The following FBXL5 variants were observed in gnomAD, a reference collection of about 807,000 sequenced individuals.
FBXL5 encodes the protein F-box and leucine rich repeat protein 5, also known as F-box/LRR-repeat protein 5.
A neutral mutation model predicts 78.3 loss-of-function variants in FBXL5; 26 were observed. The ratio of observed to expected loss-of-function variants is 0.33; its 90% CI spans 0.24 to 0.46. The LOEUF is 0.46. Among genes scored for constraint, FBXL5 ranks in the 20% least tolerant of loss-of-function variants. The probability of loss-of-function intolerance (pLI) is 1.00; values close to 1 mark genes in which losing one functional copy is unlikely to be tolerated. For missense variants in FBXL5, 710 were observed against 829.2 expected, an observed-to-expected ratio of 0.86 and a Z score of 1.77; for synonymous variants, 295 against 282.5, an observed-to-expected ratio of 1.04 and a Z score of -0.45.
chr4:15,656,001 A>C (rs952442911), upstream of FBXL5, among the ~76,000 whole-genome samples: 29 of 152,354 alleles, frequency 1.9e-4, no homozygotes, highest in African/African-American at 6.5e-4. Flanking sequence ...AGAGACCGCG[A>C]GAGAGAGTTC....
intron 5 of FBXL5, among the ~76,000 whole-genome samples, chr4:15,633,823 C>T (rs936262864): frequency 7.2e-5 from 11 of 152,198 alleles, no homozygotes; most frequent in Non-Finnish European, 2.9e-5. Context: ...TGATCTCGAA[C>T]TCCTGAGCTC....
intron 1 of FBXL5, among the ~76,000 whole-genome samples, chr4:15,670,495 C>G (rs961863408): frequency 1.3e-5 from 2 of 152,096 alleles, no homozygotes; most frequent in Non-Finnish European, 2.9e-5. Flanking sequence ...GGGTTTTTTA[C>G]ATTTAAAGTG....
In FBXL5 at chr4:15,626,938, C is replaced by T; in HGVS notation, c.1059G>A (p.Glu353=). The T allele has an allele frequency of 6.2e-7, 1 of 1,610,242 alleles. No homozygotes were observed. The highest frequency in any genetic ancestry group is 1.1e-5 in the South Asian group (1 of 90,046). The change falls in exon 8 of 11, where the codon GAG becomes GAA. Residue 353 remains glutamate (E), a synonymous_variant. Coordinates refer to ENST00000341285, the MANE Select transcript of FBXL5 (RefSeq NM_012161.4). ...CCAGATGCTCCAGGTTAGGACAAAG[C>T]TCTAAAATCTGCCTAACCTAAAAGG... ...VSSKMVRQIL[E]LCPNLEHLDL...
chr4:15,647,512 C>A (rs1021912128), intron 1 of FBXL5, among the ~76,000 whole-genome samples: 4 of 152,144 alleles, frequency 2.6e-5, no homozygotes. Flanking sequence ...AATGCCCTAA[C>A]ATGAGTTAAG....
chr4:15,633,663 C>T lies in FBXL5; in HGVS notation c.766+2831G>A, dbSNP rs977066652. On this transcript the variant is annotated intron_variant, in intron 5 of 10. Transcript: ENST00000341285. ...GGCTGGAGTGCAATGGCACAGTCTC[C>T]GCTCACTGCAAACTCTGCCTCCTGG... 4.6e-5 allele frequency among the ~76,000 whole-genome samples: 7 copies of T among 152,168 alleles called. No homozygotes were observed. The East Asian group carries it at 9.7e-4, about 21-fold the overall frequency.
intron 1 of FBXL5, among the ~76,000 whole-genome samples, chr4:15,676,211 C>T (rs78333351): frequency 0.024 from 3,620 of 152,228 alleles, 72 homozygotes; most frequent in Non-Finnish European, 0.032. Context: ...ATTATTGAAG[C>T]CTTTCACCTC....
chr4:15,677,184 G>C (rs547657600), intron 1 of FBXL5, among the ~76,000 whole-genome samples: 1 of 152,168 alleles, frequency 6.6e-6, no homozygotes, highest in South Asian at 2.1e-4. Flanking sequence ...GAACACAAGA[G>C]GCTTAAAAGA....
chr4:15,638,516 G>A lies in FBXL5; in HGVS notation c.575C>T (p.Ser192Leu), dbSNP rs919044275. 8 of 1,590,244 alleles carry A rather than the reference G, an allele frequency of 5.0e-6. No homozygotes were observed. The highest frequency in any genetic ancestry group is 3.8e-5 in the Admixed American group (2 of 52,782). The change falls in exon 4 of 11, where the codon TCA becomes TTA. Residue 192 changes from serine to leucine, a missense_variant. By Grantham distance (145) the Ser-to-Leu change is moderately radical. Around this residue, in one of 4 missense-constraint regions of FBXL5, gnomAD observed 517 missense variants for 542.9 expected, o/e 0.95. Transcript: ENST00000341285. ...KFFKYSVDEKSDKEAEVSEHS... is the reference protein window; with the variant it reads ...KFFKYSVDEKLDKEAEVSEHS... Reference sequence around the variant, plus strand: ...ATATATATGAATCTCACCTTTATCTGACTTTTCATCCACGGAATATTTAAA... The same window carrying A: ...ATATATATGAATCTCACCTTTATCTAACTTTTCATCCACGGAATATTTAAA...
At chr4:15,658,296 T>C (rs895247625), upstream of FBXL5, among the ~76,000 whole-genome samples, 5 of 152,386 alleles carry the variant, frequency 3.3e-5, no homozygotes, top group African/African-American at 1.2e-4. Context: ...TGATCCTTAC[T>C]GTCCATCAAA....
intron 10 of FBXL5, among the ~76,000 whole-genome samples, chr4:15,608,572 G>C (rs555259735): frequency 2.0e-4 from 30 of 150,980 alleles, no homozygotes; most frequent in East Asian, 1.2e-3. Flanking sequence ...TGTCTACTCA[G>C]TGAGTAGACA....
intron 5 of FBXL5, among the ~76,000 whole-genome samples, chr4:15,633,812 G>A (rs1316678572): frequency 1.3e-5 from 2 of 152,108 alleles, no homozygotes; most frequent in Non-Finnish European, 2.9e-5. Context: ...GTTGCCCGGG[G>A]TGATCTCGAA....
rs774268317 is a variant in FBXL5, at chr4:15,640,770, A to C, written c.396+18T>G. On this transcript the variant is annotated intron_variant, in intron 3 of 10. Transcript: ENST00000341285. Reference sequence around the variant, plus strand: ...AGAATGTTATAAATCTAAATCACGAAAGAAAAATTATGCTTACCTCCTCTT... The same window carrying C: ...AGAATGTTATAAATCTAAATCACGACAGAAAAATTATGCTTACCTCCTCTT... 2 of 1,379,742 alleles carry C rather than the reference A, an allele frequency of 1.4e-6. No individual in the cohort carries two copies. The highest frequency in any genetic ancestry group is 4.7e-5 in the Admixed American group (2 of 42,314). The allele number at this position is 1,379,742 out of a possible 1,614,324, so 85.5% of individuals were successfully genotyped here.
intron 1 of FBXL5, among the ~76,000 whole-genome samples, chr4:15,669,062 G>A (rs1700752006): frequency 6.6e-6 from 1 of 152,162 alleles, no homozygotes; most frequent in Admixed American, 6.5e-5. Context: ...GATACACCAT[G>A]TTGTTTAAAT....
chr4:15,616,883 G>C (rs2148542728), intron 9 of FBXL5, among the ~76,000 whole-genome samples: 1 of 152,268 alleles, frequency 6.6e-6, no homozygotes, highest in East Asian at 1.9e-4. Context: ...GTCACACTTT[G>C]GGCACTCAGT....
At chr4:15,644,463 G>T in intron 2 of FBXL5, 30 bp downstream of exon 2, 1 of 1,555,442 alleles carries the variant, frequency 6.4e-7, no homozygotes, top group South Asian at 1.1e-5. Flanking sequence ...CACAAGTTTT[G>T]ACAGTTGAAT....
chr4:15,676,615 T>C (rs1048535748), intron 1 of FBXL5, among the ~76,000 whole-genome samples: 1 of 152,076 alleles, frequency 6.6e-6, no homozygotes. Flanking sequence ...ATAAAAATGT[T>C]ACAGGGTCAT....
At position 15,625,540 on chromosome 4, in the gene FBXL5, A is replaced by G; in HGVS notation, c.1562T>C (p.Phe521Ser). ...CCTTAGTCCAACAATGTCCTTACTA[A>G]AACAACCAGAGGTGGAACAACTAAA... ...SNFSCSTSGC[F>S]SKDIVGLRTS... Residue 521 changes from phenylalanine (F) to serine (S), a missense_variant, in exon 9 of 11, where the codon TTT (phenylalanine) becomes TCT (serine). Coordinates refer to ENST00000341285, the MANE Select transcript of FBXL5 (RefSeq NM_012161.4). 1.9e-6 allele frequency: 3 copies of G among 1,614,198 alleles called. No individual in the cohort carries two copies. Among genetic ancestry groups the G allele is most frequent in the Non-Finnish European group, 2.5e-6 (3 of 1,180,024 alleles).
chr4:15,666,698 G>A (rs1717561353), intron 1 of FBXL5, among the ~76,000 whole-genome samples: 2 of 152,032 alleles, frequency 1.3e-5, no homozygotes, highest in Admixed American at 1.3e-4. Flanking sequence ...CAGGTGTGGT[G>A]GTGTGTGCCT....
At position 15,630,683 on chromosome 4, in the gene FBXL5, G is replaced by A. The variant is rs892481990; in HGVS notation, c.875C>T (p.Ala292Val). 6.9e-6 allele frequency: 11 copies of A among 1,587,134 alleles called. No individual in the cohort carries two copies. Among genetic ancestry groups the A allele is most frequent in the Non-Finnish European group, 8.5e-6 (10 of 1,171,914 alleles). ...AAGCTTACCAGATTCATCAATGTCAGCATCTTCATCCCACTCATGAAAAGC... is the reference window on the plus strand; with the variant it reads ...AAGCTTACCAGATTCATCAATGTCAACATCTTCATCCCACTCATGAAAAGC... ...SRAFHEWDED[A>V]DIDESEESAE... The change falls in exon 6 of 11, where the codon GCT (alanine) becomes GTT (valine). Residue 292 changes from alanine (A) to valine (V), a missense_variant. By Grantham distance (64) the Ala-to-Val change is moderately conservative. Coordinates refer to ENST00000341285, the MANE Select transcript of FBXL5 (RefSeq NM_012161.4).
Sources: allele counts gnomAD v4.1 joint callset (sites outside exome capture counted in the v4.1 genomes callset), GRCh38; gene constraint gnomAD v4.1.1; regional missense constraint gnomAD v4.1.1; transcripts MANE v1.5; gene names NCBI Gene and HGNC (gene_info 2026-07-23, HGNC 2026-07-21).